SATL1: variants seen among roughly 807,000 people sequenced by gnomAD.
SATL1 encodes the protein spermidine/spermine N(1)-acetyltransferase-like protein 1.
Under a neutral mutation model 51.8 loss-of-function variants are expected in SATL1, and 47 were observed. That is an observed-to-expected ratio of 0.91 (90% CI 0.72 to 1.16). SATL1 has a LOEUF of 1.16. SATL1 is among the 50% of genes most tolerant of loss of function. The pLI, the probability that SATL1 is intolerant of heterozygous loss-of-function variation, is 0.00. For missense variants in SATL1, 520 were observed against 526.4 expected, an observed-to-expected ratio of 0.99 and a Z score of 0.12; for synonymous variants, 176 against 182.4, an observed-to-expected ratio of 0.97 and a Z score of 0.28.
intron 1 of SATL1, among the ~76,000 whole-genome samples, chrX:85,228,557 A>G (rs987267174): frequency 2.7e-5 from 3 of 111,274 alleles, no homozygotes; most frequent in African/African-American, 9.8e-5. Context: ...AGAACTCATT[A>G]CAACTAGGCT....
At chrX:85,217,530 C>T (rs1260218853) in intron 2 of SATL1, among the ~76,000 whole-genome samples, 2 of 111,340 alleles carry the variant, frequency 1.8e-5, no homozygotes, top group African/African-American at 3.3e-5. Flanking sequence ...TAGGAAAAGC[C>T]GTGGAAAAGG....
intron 5 of SATL1, 117 bp from the exon 6 acceptor site, chrX:85,094,346 GA>G: frequency 2.2e-6 from 1 of 457,598 alleles, no homozygotes; most frequent in African/African-American, 2.4e-5. Flanking sequence ...ATGCTCACTG[GA>G]AAAAAATAAC....
chrX:85,184,179 T>C (rs1352428937), intron 2 of SATL1, among the ~76,000 whole-genome samples: 1 of 111,645 alleles, frequency 9.0e-6, no homozygotes, highest in Non-Finnish European at 1.9e-5. Context: ...ATTTCTCCAT[T>C]CATCTGCTGA....
chrX:85,167,618 C>T (rs777821737), intron 2 of SATL1, among the ~76,000 whole-genome samples: 3 of 110,413 alleles, frequency 2.7e-5, no homozygotes, highest in African/African-American at 6.6e-5. Flanking sequence ...AGACCAATAA[C>T]GAGTTCTGAA....
At chrX:85,196,717 A>G (rs1156346378) in intron 2 of SATL1, among the ~76,000 whole-genome samples, 4 of 111,703 alleles carry the variant, frequency 3.6e-5, no homozygotes, top group African/African-American at 9.7e-5. Flanking sequence ...TTTTTTTACA[A>G]GGGTGCCAAT....
chrX:85,185,541 G>A (rs901996837), intron 2 of SATL1, among the ~76,000 whole-genome samples: 18 of 111,095 alleles, frequency 1.6e-4, no homozygotes, highest in African/African-American at 5.2e-4. Flanking sequence ...CAAGCCACAA[G>A]ACAAAGTCCT....
chrX:85,112,660 T>G (rs908292308), intron 2 of SATL1, among the ~76,000 whole-genome samples: 2 of 111,448 alleles, frequency 1.8e-5, no homozygotes, highest in Non-Finnish European at 3.8e-5. Flanking sequence ...ATATACCAGT[T>G]AGACTCAGAC....
At chrX:85,239,871 T>C (rs774248927) in intron 1 of SATL1, among the ~76,000 whole-genome samples, 3 of 110,135 alleles carry the variant, frequency 2.7e-5, no homozygotes, top group Admixed American at 9.7e-5. Context: ...TATATGTAAA[T>C]GCAAAAACTA....
chrX:85,123,570 T>C (rs1925552949), intron 2 of SATL1, among the ~76,000 whole-genome samples: 1 of 111,809 alleles, frequency 8.9e-6, no homozygotes, highest in African/African-American at 3.2e-5. Context: ...TGTTAGACCT[T>C]TGCTGGATGC....
rs181228093 is a variant in SATL1 at position 85,183,580 on chromosome X, T to A, written c.-313+40625A>T. The stretch of plus-strand genomic sequence containing the variant: ...GTCTTTTGTGCCACCATACAAATTA[T>A]AAGATATAAAAAAATTATGTGAAGA... On this transcript the variant is annotated intron_variant, in intron 2 of 7. Transcript: ENST00000644105. 3.9e-3 allele frequency among the ~76,000 whole-genome samples: 434 copies of A among 111,594 alleles called. 2 individuals are homozygous for A. The highest frequency in any genetic ancestry group is 0.014 in the African/African-American group (421 of 30,756).
At chrX:85,167,376 C>A (rs1002038724) in intron 2 of SATL1, among the ~76,000 whole-genome samples, 15 of 109,319 alleles carry the variant, frequency 1.4e-4, no homozygotes, top group African/African-American at 3.7e-4. Context: ...CCAAACACCA[C>A]TTGTTCCCCC....
intron 2 of SATL1, among the ~76,000 whole-genome samples, chrX:85,150,107 A>T (rs1226658658): frequency 1.8e-5 from 2 of 111,450 alleles, no homozygotes; most frequent in Non-Finnish European, 3.8e-5. Context: ...AATGAAATAG[A>T]TGCAATAAAA....
chrX:85,180,868 T>G (rs1927186233), intron 2 of SATL1, among the ~76,000 whole-genome samples: 2 of 110,918 alleles, frequency 1.8e-5, no homozygotes, highest in South Asian at 7.6e-4. Flanking sequence ...TTGACTTTTT[T>G]ATAACATTCA....
intron 2 of SATL1, among the ~76,000 whole-genome samples, chrX:85,197,923 A>G (rs1763825066): frequency 9.1e-6 from 1 of 109,983 alleles, no homozygotes; most frequent in African/African-American, 3.3e-5. Flanking sequence ...ACTAGATCTT[A>G]TTCATTCTAT....
chrX:85,228,997 G>C (rs903847509), intron 1 of SATL1, among the ~76,000 whole-genome samples: 4 of 111,685 alleles, frequency 3.6e-5, no homozygotes, highest in African/African-American at 1.3e-4. Flanking sequence ...CCCCATTTCA[G>C]ATGGCAGCAA....
At chrX:85,135,619 T>A (rs1925932653) in intron 2 of SATL1, among the ~76,000 whole-genome samples, 2 of 108,269 alleles carry the variant, frequency 1.8e-5, no homozygotes, top group Admixed American at 2.0e-4. Context: ...TCACCCAGGC[T>A]GGAGTGCAGT....
At chrX:85,173,243 T>C (rs1440603906) in intron 2 of SATL1, among the ~76,000 whole-genome samples, 2 of 111,168 alleles carry the variant, frequency 1.8e-5, no homozygotes, top group African/African-American at 6.5e-5. Flanking sequence ...ACTGTACAAG[T>C]AGTATCAGAT....
At chrX:85,233,639 T>A (rs1928425104) in intron 1 of SATL1, among the ~76,000 whole-genome samples, 2 of 112,086 alleles carry the variant, frequency 1.8e-5, no homozygotes, top group South Asian at 7.4e-4. Context: ...AAAAATGTGA[T>A]GGACATACAG....
At chrX:85,168,761 A>C (rs1602886551) in intron 2 of SATL1, among the ~76,000 whole-genome samples, 1 of 112,062 alleles carries the variant, frequency 8.9e-6, no homozygotes, top group Non-Finnish European at 1.9e-5. Flanking sequence ...TCACAGAACT[A>C]GAAAAAAATA....
Sources: allele counts gnomAD v4.1 joint callset (sites outside exome capture counted in the v4.1 genomes callset), GRCh38; gene constraint gnomAD v4.1.1; transcripts MANE v1.5; gene names NCBI Gene and HGNC (gene_info 2026-07-23, HGNC 2026-07-21).